The following CD2AP variants were observed in gnomAD, a reference collection of about 807,000 sequenced individuals.
CD2AP encodes CD2-associated protein.
A neutral mutation model predicts 85.1 loss-of-function variants in CD2AP; 46 were observed. The ratio of observed to expected loss-of-function variants is 0.54; its 90% CI spans 0.43 to 0.69. CD2AP has a LOEUF of 0.69. CD2AP is among the 30% of genes least tolerant of loss of function. The pLI, the probability that CD2AP is intolerant of heterozygous loss-of-function variation, is 0.00. For missense variants in CD2AP, 769 were observed against 729.5 expected, an observed-to-expected ratio of 1.05 and a Z score of -0.62; for synonymous variants, 255 against 252.9, an observed-to-expected ratio of 1.01 and a Z score of -0.08.
At chr6:47,562,912 A>G in intron 5 of CD2AP, 1 of 662,344 alleles carries the variant, frequency 1.5e-6, no homozygotes, top group Non-Finnish European at 2.8e-6. Context: ...ATTGACAGAG[A>G]GAGAAAACCC....
intron 13 of CD2AP, among the ~76,000 whole-genome samples, chr6:47,602,471 G>C (rs1435863748): frequency 6.6e-6 from 1 of 151,940 alleles, no homozygotes; most frequent in Non-Finnish European, 1.5e-5. Flanking sequence ...CTTTAACTTA[G>C]TTTTAAAATG....
At chr6:47,571,947 G>A (rs1370376594) in intron 5 of CD2AP, among the ~76,000 whole-genome samples, 1 of 152,140 alleles carries the variant, frequency 6.6e-6, no homozygotes, top group Non-Finnish European at 1.5e-5. Flanking sequence ...ACTCGTTAAA[G>A]TAGAACTTCT....
chr6:47,541,363 A>G (rs1767211189), intron 3 of CD2AP, among the ~76,000 whole-genome samples: 1 of 152,152 alleles, frequency 6.6e-6, no homozygotes, highest in Non-Finnish European at 1.5e-5. Context: ...TGACCTCATG[A>G]TCCGCCTGCC....
At chr6:47,571,574 T>C (rs1582573971) in intron 5 of CD2AP, among the ~76,000 whole-genome samples, 1 of 152,158 alleles carries the variant, frequency 6.6e-6, no homozygotes, top group East Asian at 1.9e-4. Flanking sequence ...AAGTGAGAAC[T>C]ATATGTAGAG....
At chr6:47,491,281 G>GTA (rs141487057) in intron 1 of CD2AP, among the ~76,000 whole-genome samples, 1 of 94,146 alleles carries the variant, frequency 1.1e-5, no homozygotes, top group Non-Finnish European at 2.6e-5. Context: ...ATGTGTGTGT[G>GTA]TGTGTGTGTG....
intron 1 of CD2AP, among the ~76,000 whole-genome samples, chr6:47,493,599 T>C (rs554735478): frequency 6.6e-6 from 1 of 152,220 alleles, no homozygotes; most frequent in South Asian, 2.1e-4. Context: ...TGTGGTTTGG[T>C]GTACCTTATT....
Position 47,478,085 on chromosome 6 carries a change from C to G in CD2AP, c.-160C>G. 1.1e-6 allele frequency: 1 copy of G among 917,360 alleles called. No individual in the cohort carries two copies. The highest frequency in any genetic ancestry group is 1.7e-6 in the Non-Finnish European group (1 of 588,738). 56.8% of individuals were successfully genotyped at this position (917,360 alleles called of 1,614,324 possible). A position where few individuals can be genotyped will look rare whatever the true frequency, so the allele number is the denominator to read the frequency against. On this transcript the variant is annotated 5_prime_UTR_variant, in exon 1 of 18. Coordinates refer to ENST00000359314, the MANE Select transcript of CD2AP (RefSeq NM_012120.3). Reference sequence around the variant, plus strand: ...CGCTGAAGAGACTGGTAGGAGAGCGCCGCGGGCGGATGGAGGCGACTCTTC... The same window carrying G: ...CGCTGAAGAGACTGGTAGGAGAGCGGCGCGGGCGGATGGAGGCGACTCTTC...
intron 2 of CD2AP, among the ~76,000 whole-genome samples, chr6:47,512,212 T>C (rs151002171): frequency 7.0e-6 from 1 of 143,502 alleles, no homozygotes; most frequent in Non-Finnish European, 1.5e-5. Context: ...AGTGGTGACA[T>C]GCGCCTGTAG....
At position 47,477,870 on chromosome 6, in the gene CD2AP, G is replaced by T; in HGVS notation, c.-375G>T. On this transcript the variant is annotated 5_prime_UTR_variant, in exon 1 of 18. Transcript: ENST00000359314. ...AAGGAAGAGGCGAGGGGCGGGCTCC[G>T]AGGCTAGGCGGGCGCTCGGGGTTGG... The T allele has an allele frequency of 2.9e-6, 1 of 343,342 alleles. No homozygotes were observed. Among genetic ancestry groups the T allele is most frequent in the Non-Finnish European group, 5.3e-6 (1 of 187,606 alleles). The allele number at this position is 343,342 out of a possible 1,614,324, so 21.3% of individuals were successfully genotyped here.
At chr6:47,592,904 T>C (rs1363637534) in intron 11 of CD2AP, among the ~76,000 whole-genome samples, 1 of 152,176 alleles carries the variant, frequency 6.6e-6, no homozygotes, top group Non-Finnish European at 1.5e-5. Context: ...TTCTGTGAGC[T>C]CTTCTAACAA....
At chr6:47,611,069 G>T (rs1769426350) in intron 16 of CD2AP, among the ~76,000 whole-genome samples, 2 of 134,788 alleles carry the variant, frequency 1.5e-5, no homozygotes, top group East Asian at 2.1e-4. Flanking sequence ...TGAATGGCAG[G>T]TTTTTTTTTT....
intron 5 of CD2AP, among the ~76,000 whole-genome samples, chr6:47,559,855 A>C (rs533750922): frequency 9.1e-4 from 139 of 152,304 alleles, no homozygotes; most frequent in African/African-American, 3.2e-3. Context: ...GAAGCAATAG[A>C]GCAAGTTCAT....
intron 2 of CD2AP, among the ~76,000 whole-genome samples, chr6:47,522,930 T>C (rs2114009109): frequency 6.6e-6 from 1 of 152,102 alleles, no homozygotes; most frequent in South Asian, 2.1e-4. Flanking sequence ...TATAGCTACT[T>C]TGGAAAGTCT....
At chr6:47,592,516 C>T in intron 11 of CD2AP, among the ~76,000 whole-genome samples, 1 of 152,002 alleles carries the variant, frequency 6.6e-6, no homozygotes, top group East Asian at 1.9e-4. Context: ...CACCATAGCT[C>T]CTAAAACCCT....
intron 2 of CD2AP, among the ~76,000 whole-genome samples, chr6:47,529,956 C>G (rs1766829208): frequency 6.6e-6 from 1 of 152,190 alleles, no homozygotes; most frequent in Non-Finnish European, 1.5e-5. Context: ...CTCAGAAGCT[C>G]TGTGCTTCCC....
intron 12 of CD2AP, among the ~76,000 whole-genome samples, chr6:47,597,367 AG>A (rs1251638286): frequency 1.3e-5 from 2 of 150,722 alleles, no homozygotes; most frequent in East Asian, 3.9e-4. Flanking sequence ...TGCTGCAGCC[AG>A]GGCTGCATAT....
intron 1 of CD2AP, among the ~76,000 whole-genome samples, chr6:47,500,018 T>G (rs2113977302): frequency 6.6e-6 from 1 of 152,298 alleles, no homozygotes; most frequent in South Asian, 2.1e-4. Flanking sequence ...CGTGAGCCAC[T>G]GCCCCTGCAG....
chr6:47,622,394 A>G (rs931684302), intron 17 of CD2AP, among the ~76,000 whole-genome samples: 2 of 151,946 alleles, frequency 1.3e-5, no homozygotes, highest in East Asian at 1.9e-4. Flanking sequence ...AAGTTTAGCT[A>G]GAGATTTCCT....
intron 17 of CD2AP, 31 bp from the exon 18 acceptor site, chr6:47,624,155 A>G (rs893421906): frequency 1.9e-6 from 3 of 1,547,780 alleles, no homozygotes; most frequent in African/African-American, 2.7e-5. Flanking sequence ...AGGATATTTT[A>G]TGTTTGCTCA....
Sources: allele counts gnomAD v4.1 joint callset (sites outside exome capture counted in the v4.1 genomes callset), GRCh38; gene constraint gnomAD v4.1.1; transcripts MANE v1.5; gene names NCBI Gene and HGNC (gene_info 2026-07-23, HGNC 2026-07-21).